Variants in SYT1 observed in about 807,000 individuals in gnomAD.
SYT1 encodes the protein synaptotagmin 1, also known as synaptotagmin-1.
A neutral mutation model predicts 44.8 loss-of-function variants in SYT1; 8 were observed. The ratio of observed to expected loss-of-function variants is 0.18; its 90% CI spans 0.10 to 0.32. The LOEUF is 0.32. Ranked by LOEUF, SYT1 falls within the 10% of genes least tolerant of loss-of-function variation. The probability of loss-of-function intolerance (pLI) is 1.00; values close to 1 mark genes in which losing one functional copy is unlikely to be tolerated. For missense variants in SYT1, 286 were observed against 509.3 expected (o/e 0.56, Z 4.22); for synonymous variants, 154 against 188.8 (o/e 0.82, Z 1.51).
At chr12:79,049,091 C>T (rs1874280723) in intron 3 of SYT1, among the ~76,000 whole-genome samples, 1 of 151,936 alleles carries the variant, frequency 6.6e-6, no homozygotes, top group Non-Finnish European at 1.5e-5. Flanking sequence ...CACTCCCTCA[C>T]AATTTCTCGG....
intron 8 of SYT1, among the ~76,000 whole-genome samples, chr12:79,336,358 C>G (rs926106762): frequency 6.6e-6 from 1 of 152,180 alleles, no homozygotes. Context: ...CTTCTCTCTT[C>G]TTTCTGTCCT....
chr12:79,179,373 G>GATATAGAT lies in SYT1; in HGVS notation c.-17-38125_-17-38118dup, dbSNP rs1304700392. On this transcript the variant is annotated intron_variant, in intron 3 of 10. Transcript: ENST00000261205. Reference sequence around the variant, plus strand: ...CTATATCGATATAGATATAGATATAGATATAGATATATCGATATAGATATC... The same window carrying GATATAGAT: ...CTATATCGATATAGATATAGATATAGATATAGATATATAGATATATCGATATAGATATC... Among the ~76,000 whole-genome samples, 19 of 44,414 alleles carry GATATAGAT rather than the reference G, an allele frequency of 4.3e-4. 3 individuals carry two copies. The highest frequency in any genetic ancestry group is 2.4e-3 in the African/African-American group (19 of 7,816). The allele number at this position is 44,414 out of a possible 152,430, so 29.1% of individuals were successfully genotyped here.
chr12:79,343,808 T>C (rs1315706481), intron 8 of SYT1, among the ~76,000 whole-genome samples: 1 of 152,168 alleles, frequency 6.6e-6, no homozygotes, highest in African/African-American at 2.4e-5. Context: ...TAAATATAAA[T>C]AGAAGGTCTA....
At position 79,444,225 on chromosome 12, in the gene SYT1, T is replaced by G. The variant is rs755933811; in HGVS notation, c.1062+19T>G. The G allele has an allele frequency of 2.5e-6, 4 of 1,611,472 alleles. No individual in the cohort carries two copies. The highest frequency in any genetic ancestry group is 2.2e-5 in the South Asian group (2 of 90,682). The stretch of plus-strand genomic sequence containing the variant: ...AATCCAGGTAATGTCAAACATAACT[T>G]TGTCTTCCCACTCAATTTCATTCCT... On this transcript the variant is annotated intron_variant, in intron 10 of 10. Transcript: ENST00000261205.
chr12:78,964,335 C>A (rs1439968117), intron 1 of SYT1, among the ~76,000 whole-genome samples: 2 of 152,114 alleles, frequency 1.3e-5, no homozygotes, highest in African/African-American at 4.8e-5. Flanking sequence ...GCTTCCCTTT[C>A]TTATATTTCA....
chr12:78,990,055 A>G (rs956294757), intron 2 of SYT1, among the ~76,000 whole-genome samples: 2 of 152,168 alleles, frequency 1.3e-5, no homozygotes, highest in Non-Finnish European at 2.9e-5. Flanking sequence ...TTCACAGGAA[A>G]GTAGAAGAAA....
At chr12:79,424,950 C>CT (rs1869349184) in intron 9 of SYT1, among the ~76,000 whole-genome samples, 2 of 81,940 alleles carry the variant, frequency 2.4e-5, no homozygotes, top group Admixed American at 1.1e-4. Context: ...GATTTTTCTT[C>CT]TTCTTTTTTT....
intron 4 of SYT1, among the ~76,000 whole-genome samples, chr12:79,269,295 G>A (rs1196668377): frequency 2.0e-5 from 3 of 151,840 alleles, no homozygotes; most frequent in Non-Finnish European, 4.4e-5. Flanking sequence ...TATATATCTT[G>A]CCCTTCTCTA....
At chr12:79,407,256 T>C (rs920699097) in intron 9 of SYT1, among the ~76,000 whole-genome samples, 2 of 152,024 alleles carry the variant, frequency 1.3e-5, no homozygotes, top group African/African-American at 2.4e-5. Flanking sequence ...ATTATTTGAG[T>C]GAAACAAACT....
chr12:79,442,121 C>T lies in SYT1; in HGVS notation c.929-1952C>T, dbSNP rs189889299. ...GTGCTTCTCTTGAGAAAACCTATGC[C>T]TCACTTAGGTTGACAAAGTTTCAAC... is the stretch of plus-strand genomic sequence containing the variant. On this transcript the variant is annotated intron_variant, in intron 9 of 10. Transcript: ENST00000261205. 3.6e-3 allele frequency among the ~76,000 whole-genome samples: 546 copies of T among 152,278 alleles called. 1 individual carries two copies. The highest frequency in any genetic ancestry group is 6.2e-3 in the Admixed American group (95 of 15,298).
chr12:79,180,535 T>C (rs1006556374), intron 3 of SYT1, among the ~76,000 whole-genome samples: 12 of 152,098 alleles, frequency 7.9e-5, no homozygotes, highest in African/African-American at 2.9e-4. Context: ...GCTGTACAGA[T>C]AGCATAATGC....
chr12:79,311,883 G>T (rs1315658451), intron 8 of SYT1, among the ~76,000 whole-genome samples: 2 of 101,352 alleles, frequency 2.0e-5, no homozygotes, highest in Admixed American at 1.2e-4. Flanking sequence ...TGGGGGGAGG[G>T]GGGAGGGATA....
chr12:79,148,650 C>T (rs1390307500), intron 3 of SYT1, among the ~76,000 whole-genome samples: 1 of 152,096 alleles, frequency 6.6e-6, no homozygotes, highest in Non-Finnish European at 1.5e-5. Flanking sequence ...TAAATGGGCA[C>T]TATGCTATGG....
chr12:78,866,037 T>C (rs540871539), intron 1 of SYT1, among the ~76,000 whole-genome samples: 1 of 152,324 alleles, frequency 6.6e-6, no homozygotes, highest in African/African-American at 2.4e-5. Flanking sequence ...AACAATTTTA[T>C]AGGGAGGCTT....
intron 8 of SYT1, among the ~76,000 whole-genome samples, chr12:79,349,119 GAGGAAGGT>G (rs112197288): frequency 1.1e-4 from 16 of 148,722 alleles, no homozygotes; most frequent in African/African-American, 2.5e-4. Context: ...AGGAGGAAGG[GAGGAAGGT>G]AGGAAGGAAG....
intron 7 of SYT1, among the ~76,000 whole-genome samples, 177 bp downstream of exon 7, chr12:79,296,413 A>G (rs1295142416): frequency 1.3e-5 from 2 of 152,194 alleles, no homozygotes; most frequent in Non-Finnish European, 2.9e-5. Context: ...ATTGCCTTTC[A>G]GCGTGTTCAG....
intron 4 of SYT1, among the ~76,000 whole-genome samples, chr12:79,240,935 G>C (rs189216426): frequency 6.6e-6 from 1 of 152,294 alleles, no homozygotes; most frequent in Admixed American, 6.5e-5. Context: ...CACTTTAGGA[G>C]GCCACAGCAG....
At chr12:79,387,008 C>T (rs181035316) in intron 9 of SYT1, among the ~76,000 whole-genome samples, 24 of 152,252 alleles carry the variant, frequency 1.6e-4, no homozygotes, top group East Asian at 5.8e-4. Context: ...TAGAGATGTC[C>T]GCCTGTCACC....
intron 1 of SYT1, among the ~76,000 whole-genome samples, chr12:78,877,701 CT>C (rs954534854): frequency 6.6e-6 from 1 of 151,498 alleles, no homozygotes; most frequent in Non-Finnish European, 1.5e-5. Flanking sequence ...CAGATTCTGG[CT>C]CTGTCATTCA....
Sources: allele counts gnomAD v4.1 joint callset (sites outside exome capture counted in the v4.1 genomes callset), GRCh38; gene constraint gnomAD v4.1.1; transcripts MANE v1.5; gene names NCBI Gene and HGNC (gene_info 2026-07-23, HGNC 2026-07-21).